CNTNAP2: variants seen among roughly 807,000 people sequenced by gnomAD.
The protein encoded by CNTNAP2 is contactin-associated protein-like 2.
CNTNAP2 carries 98 observed loss-of-function variants against 155.2 expected under a neutral mutation model. The observed-to-expected ratio is 0.63, with a 90% CI of 0.54 to 0.75. The LOEUF (loss-of-function observed/expected upper bound fraction) is 0.75. Ranked by LOEUF, CNTNAP2 falls within the 30% of genes least tolerant of loss-of-function variation. CNTNAP2 has a pLI of 0.00. For missense variants in CNTNAP2, 1,727 were observed against 1,688.1 expected (o/e 1.02, Z -0.40); for synonymous variants, 651 against 631.2 (o/e 1.03, Z -0.47).
chr7:146,788,179 C>G (rs538036207), intron 2 of CNTNAP2, among the ~76,000 whole-genome samples: 1 of 152,154 alleles, frequency 6.6e-6, no homozygotes, highest in Non-Finnish European at 1.5e-5. Flanking sequence ...ACCAAGCCGG[C>G]GCCCACCTGG....
At chr7:146,192,817 G>A (rs1183269862) in intron 1 of CNTNAP2, among the ~76,000 whole-genome samples, 2 of 152,130 alleles carry the variant, frequency 1.3e-5, no homozygotes, top group Admixed American at 1.3e-4. Flanking sequence ...ATAGTCCAAA[G>A]TCTCAACTGA....
chr7:146,134,971 G>A (rs1231882615), intron 1 of CNTNAP2, among the ~76,000 whole-genome samples: 2 of 151,748 alleles, frequency 1.3e-5, no homozygotes, highest in East Asian at 1.9e-4. Flanking sequence ...GATTGGAATA[G>A]TTTCAGAAGG....
At chr7:146,935,249 T>G (rs1385931883) in intron 3 of CNTNAP2, among the ~76,000 whole-genome samples, 1 of 152,202 alleles carries the variant, frequency 6.6e-6, no homozygotes, top group Non-Finnish European at 1.5e-5. Context: ...TCCCCTTGTT[T>G]AGGCCTCTAT....
chr7:146,731,887 G>C (rs906704507), intron 1 of CNTNAP2, among the ~76,000 whole-genome samples: 4 of 151,794 alleles, frequency 2.6e-5, no homozygotes, highest in African/African-American at 9.7e-5. Context: ...ATATTCCTTA[G>C]TTTTTGTCAA....
intron 8 of CNTNAP2, among the ~76,000 whole-genome samples, chr7:147,240,172 A>T (rs1325131463): frequency 1.3e-5 from 2 of 152,146 alleles, no homozygotes; most frequent in East Asian, 3.9e-4. Context: ...ATGAAAAACA[A>T]ATCAGCTGAG....
intron 21 of CNTNAP2, among the ~76,000 whole-genome samples, chr7:148,283,431 A>G (rs1384754661): frequency 6.6e-6 from 1 of 152,124 alleles, no homozygotes; most frequent in Non-Finnish European, 1.5e-5. Flanking sequence ...TATACATTTC[A>G]TATTTACAAA....
intron 18 of CNTNAP2, among the ~76,000 whole-genome samples, chr7:148,194,169 A>AT (rs957449717): frequency 3.2e-4 from 46 of 145,008 alleles, no homozygotes; most frequent in African/African-American, 4.0e-4. Flanking sequence ...GTGTGTACAT[A>AT]TTTTTTTTTG....
At chr7:148,269,348 C>T (rs1236860811) in intron 21 of CNTNAP2, among the ~76,000 whole-genome samples, 2 of 152,200 alleles carry the variant, frequency 1.3e-5, no homozygotes, top group Non-Finnish European at 2.9e-5. Flanking sequence ...CTTTGGATTA[C>T]CTCACCCTGA....
chr7:147,391,788 C>A (rs1432446236), intron 9 of CNTNAP2, among the ~76,000 whole-genome samples: 1 of 152,042 alleles, frequency 6.6e-6, no homozygotes, highest in Non-Finnish European at 1.5e-5. Context: ...TATAGTCACG[C>A]TTCCTTGTCA....
In CNTNAP2 at chr7:148,409,958, G is replaced by A. The variant is rs1256449033; in HGVS notation, c.3796+487G>A. Among the ~76,000 whole-genome samples the A allele has an allele frequency of 3.3e-5, 3 of 90,520 alleles. 1 individual carries two copies. Among genetic ancestry groups the A allele is most frequent in the Admixed American group, 2.6e-4 (3 of 11,726 alleles). 59.4% of individuals were successfully genotyped at this position (90,520 alleles called of 152,430 possible). A position where few individuals can be genotyped will look rare whatever the true frequency, so the allele number is the denominator to read the frequency against. Reference sequence around the variant, plus strand: ...CCCAGCTACTCAGGAGGCTGAGGCAGGAGAATGGCGTGAACCTGGGAGGCG... The same window carrying A: ...CCCAGCTACTCAGGAGGCTGAGGCAAGAGAATGGCGTGAACCTGGGAGGCG... On this transcript the variant is annotated intron_variant, in intron 23 of 23. Coordinates refer to ENST00000361727, the MANE Select transcript of CNTNAP2 (RefSeq NM_014141.6).
intron 1 of CNTNAP2, among the ~76,000 whole-genome samples, chr7:146,391,126 A>C (rs1795537633): frequency 6.8e-6 from 1 of 147,822 alleles, no homozygotes; most frequent in Non-Finnish European, 1.5e-5. Flanking sequence ...TAGTATATAT[A>C]TTTATTATAT....
At chr7:147,710,602 A>G (rs1796388447) in intron 13 of CNTNAP2, among the ~76,000 whole-genome samples, 1 of 152,014 alleles carries the variant, frequency 6.6e-6, no homozygotes, top group African/African-American at 2.4e-5. Context: ...TTATACTTTT[A>G]TCATAACATT....
chr7:148,088,009 C>T lies in CNTNAP2; in HGVS notation c.2384-30109C>T, dbSNP rs568609823. Among the ~76,000 whole-genome samples, 3 of 152,056 alleles carry T rather than the reference C, an allele frequency of 2.0e-5. No individual in the cohort carries two copies. In the South Asian group the frequency reaches 6.2e-4, roughly 32 times the overall value. On this transcript the variant is annotated intron_variant, in intron 15 of 23. Transcript: ENST00000361727. ...GAAATATTTGACCCTCTTCTTTCTGCTTAGGGGAATTATTTGGAAAGATTT... is the reference window on the plus strand; with the variant it reads ...GAAATATTTGACCCTCTTCTTTCTGTTTAGGGGAATTATTTGGAAAGATTT...
chr7:147,303,986 G>A lies in CNTNAP2; in HGVS notation c.1498+3696G>A, dbSNP rs191330136. Among the ~76,000 whole-genome samples, 5 of 152,242 alleles carry A rather than the reference G, an allele frequency of 3.3e-5. No individual in the cohort carries two copies. The East Asian group carries it at 5.8e-4, about 18-fold the overall frequency. On this transcript the variant is annotated intron_variant, in intron 9 of 23. Transcript: ENST00000361727. ...AGCCTCAAGTAAAGGCTTTCCTGCC[G>A]TCCTACACTCTGTTTTGTTTCCAAA...
At chr7:147,510,791 A>G (rs1799002216) in intron 11 of CNTNAP2, among the ~76,000 whole-genome samples, 1 of 144,964 alleles carries the variant, frequency 6.9e-6, no homozygotes, top group Non-Finnish European at 1.5e-5. Context: ...TTTTATTACA[A>G]CACTCAATTT....
At chr7:148,301,192 G>T (rs1797380337) in intron 21 of CNTNAP2, among the ~76,000 whole-genome samples, 1 of 151,540 alleles carries the variant, frequency 6.6e-6, no homozygotes, top group Non-Finnish European at 1.5e-5. Context: ...TACTCAGGAG[G>T]CTGAGGCAGG....
intron 1 of CNTNAP2, among the ~76,000 whole-genome samples, chr7:146,761,789 T>G (rs996648261): frequency 2.3e-4 from 35 of 151,658 alleles, no homozygotes; most frequent in Non-Finnish European, 3.2e-4. Context: ...TAATTTATTT[T>G]TCTCTAGAAG....
At position 147,319,750 on chromosome 7, in the gene CNTNAP2, AG is replaced by A. The variant is rs1043116922; in HGVS notation, c.1498+19463del. Among the ~76,000 whole-genome samples, 6 of 152,172 alleles carry A rather than the reference AG, an allele frequency of 3.9e-5. No homozygotes were observed. In the East Asian group the frequency reaches 1.2e-3, roughly 29 times the overall value. The stretch of plus-strand genomic sequence containing the variant: ...ATAATAATATTAACTTTTAAGATAG[AG>A]GGAAAAAATCCAAATTATTAGGATA... On this transcript the variant is annotated intron_variant, in intron 9 of 23. Coordinates refer to ENST00000361727, the MANE Select transcript of CNTNAP2 (RefSeq NM_014141.6).
intron 1 of CNTNAP2, among the ~76,000 whole-genome samples, chr7:146,189,993 T>G (rs1798678996): frequency 6.6e-6 from 1 of 152,170 alleles, no homozygotes; most frequent in Admixed American, 6.5e-5. Context: ...TTTTCTCACA[T>G]AAGTTTGTGA....
Sources: allele counts gnomAD v4.1 joint callset (sites outside exome capture counted in the v4.1 genomes callset), GRCh38; gene constraint gnomAD v4.1.1; transcripts MANE v1.5; gene names NCBI Gene and HGNC (gene_info 2026-07-23, HGNC 2026-07-21).